The following DLGAP1 variants were observed in gnomAD, a reference collection of about 807,000 sequenced individuals.
DLGAP1 encodes DLG associated protein 1.
A neutral mutation model predicts 90.8 loss-of-function variants in DLGAP1; 11 were observed. The ratio of observed to expected loss-of-function variants is 0.12; its 90% CI spans 0.08 to 0.20. DLGAP1 has a LOEUF of 0.20. Ranked by LOEUF, DLGAP1 falls within the 10% of genes least tolerant of loss-of-function variation. The probability of loss-of-function intolerance (pLI) is 1.00; values close to 1 mark genes in which losing one functional copy is unlikely to be tolerated. For missense variants in DLGAP1, 1,050 were observed against 1,333.8 expected (o/e 0.79, Z 3.31); for synonymous variants, 558 against 540.7 (o/e 1.03, Z -0.44).
chr18:4,327,181 T>A (rs2080840367), intron 1 of DLGAP1, among the ~76,000 whole-genome samples: 1 of 152,084 alleles, frequency 6.6e-6, no homozygotes, highest in Non-Finnish European at 1.5e-5. Flanking sequence ...TAATGTATTG[T>A]GTATTTCCCA....
In DLGAP1 at chr18:4,084,673, C is replaced by A. The variant is rs749721786; in HGVS notation, c.-159+66507G>T. On this transcript the variant is annotated intron_variant, in intron 2 of 12. Coordinates refer to ENST00000315677, the MANE Select transcript of DLGAP1 (RefSeq NM_004746.4). This position sits in a 1 kb window ranked among gnomAD's most constrained non-coding sequence, Gnocchi z 4.0. Reference sequence around the variant, plus strand: ...CCCTTTGTCTAATCTTACTTCTCCACGATTATCTACTTATTTACCAAACTT... The same window carrying A: ...CCCTTTGTCTAATCTTACTTCTCCAAGATTATCTACTTATTTACCAAACTT... Among the ~76,000 whole-genome samples the A allele has an allele frequency of 1.3e-5, 2 of 152,170 alleles. No homozygotes were observed. The highest frequency in any genetic ancestry group is 4.8e-5 in the African/African-American group (2 of 41,426).
chr18:3,849,232 C>A (rs533645538), intron 4 of DLGAP1, among the ~76,000 whole-genome samples: 1 of 152,222 alleles, frequency 6.6e-6, no homozygotes, highest in East Asian at 1.9e-4. Flanking sequence ...AGGTATTGAG[C>A]CAAGTGATCA....
At chr18:3,922,854 C>T (rs998028273) in intron 3 of DLGAP1, among the ~76,000 whole-genome samples, 13 of 151,946 alleles carry the variant, frequency 8.6e-5, no homozygotes, top group South Asian at 2.1e-4. Context: ...TGCACTAGGC[C>T]GAGTGTCGTG....
At chr18:3,721,482 G>C (rs1243451632) in intron 7 of DLGAP1, 1 of 152,000 alleles carries the variant, frequency 6.6e-6, no homozygotes, top group African/African-American at 2.4e-5. Context: ...TCTTTTCATA[G>C]GCTTTTAAAA....
chr18:4,286,054 C>G (rs1050139952), intron 1 of DLGAP1, among the ~76,000 whole-genome samples: 1 of 152,144 alleles, frequency 6.6e-6, no homozygotes, highest in Non-Finnish European at 1.5e-5. Flanking sequence ...AAGTGTCACT[C>G]CGGCAAACTC....
chr18:3,933,473 T>C (rs2072563967), intron 3 of DLGAP1, among the ~76,000 whole-genome samples: 1 of 152,214 alleles, frequency 6.6e-6, no homozygotes, highest in African/African-American at 2.4e-5. Context: ...TCACAGCCAA[T>C]TTAGAAATCA....
intron 5 of DLGAP1, among the ~76,000 whole-genome samples, chr18:3,759,142 T>C (rs2063843559): frequency 6.6e-6 from 1 of 152,116 alleles, no homozygotes; most frequent in African/African-American, 2.4e-5. Context: ...GCTGTAGACT[T>C]TGGTATCTCC....
chr18:3,759,565 C>T (rs987126753), intron 5 of DLGAP1, among the ~76,000 whole-genome samples: 1 of 152,170 alleles, frequency 6.6e-6, no homozygotes, highest in African/African-American at 2.4e-5. Flanking sequence ...GTTATCAAGG[C>T]TATGCAACAT....
At chr18:4,312,643 T>C (rs184778581) in intron 1 of DLGAP1, among the ~76,000 whole-genome samples, 40 of 152,344 alleles carry the variant, frequency 2.6e-4, no homozygotes, top group African/African-American at 9.6e-4. Flanking sequence ...ACTTGAATCA[T>C]AAAATTTCTG....
At chr18:3,980,331 C>T (rs1449274261) in intron 3 of DLGAP1, among the ~76,000 whole-genome samples, 1 of 152,022 alleles carries the variant, frequency 6.6e-6, no homozygotes, top group East Asian at 1.9e-4. Context: ...CTGGGAGGAG[C>T]AGCCCAGTTC....
chr18:3,845,350 A>T, intron 4 of DLGAP1: 1 of 1,550,528 alleles, frequency 6.4e-7, no homozygotes. Flanking sequence ...TGATTTGCCG[A>T]TTCTAAGTGG....
Position 3,729,261 on chromosome 18 carries a change from T to A in DLGAP1, c.1465A>T (p.Met489Leu). The A allele has an allele frequency of 3.1e-6, 5 of 1,614,062 alleles. No homozygotes were observed. The highest frequency in any genetic ancestry group is 4.2e-6 in the Non-Finnish European group (5 of 1,179,972). Residue 489 changes from methionine (M) to leucine (L), a missense_variant, in exon 7 of 13, where the codon ATG becomes TTG. Physicochemically the swap from Met to Leu is conservative, Grantham distance 15. This residue lies in a region of DLGAP1 where 565 missense variants were observed against 879.7 expected (regional missense o/e 0.64). Transcript: ENST00000315677. The surrounding 1 kb of genome is among the most constrained non-coding windows in gnomAD (Gnocchi z 6.2). ...GCCCGCACATAGCTGTGGCTCCGCA[T>A]GCGGAAGCAGCCGGGCATGGGCAGG... ...LDLPMPGCFRMRSHSYVRAIE... is the reference protein window; with the variant it reads ...LDLPMPGCFRLRSHSYVRAIE...
At chr18:4,417,847 T>C (rs369911047) in intron 1 of DLGAP1, among the ~76,000 whole-genome samples, 6 of 152,278 alleles carry the variant, frequency 3.9e-5, no homozygotes, top group African/African-American at 1.2e-4. Flanking sequence ...GTCTGTCTAA[T>C]AGTGTGGTGA....
rs200852733 is a variant in DLGAP1 at position 4,144,811 on chromosome 18, TAAG to T, written c.-159+6366_-159+6368del. 3.7e-3 allele frequency among the ~76,000 whole-genome samples: 562 copies of T among 152,342 alleles called. 5 individuals are homozygous for T. Among genetic ancestry groups the T allele is most frequent in the African/African-American group, 0.013 (547 of 41,574 alleles). On this transcript the variant is annotated intron_variant, in intron 2 of 12. Coordinates refer to ENST00000315677, the MANE Select transcript of DLGAP1 (RefSeq NM_004746.4). ...TTAGGTGAAAATGTCTAGCATATGA[TAAG>T]AATATGCAAAAGGAAAATAAATCCA...
At chr18:4,373,287 C>A (rs981593681) in intron 1 of DLGAP1, among the ~76,000 whole-genome samples, 1 of 151,936 alleles carries the variant, frequency 6.6e-6, no homozygotes, top group African/African-American at 2.4e-5. Context: ...TGAAGACAAG[C>A]AGGAGGAATG....
chr18:3,818,567 C>T (rs978635259), intron 4 of DLGAP1, among the ~76,000 whole-genome samples: 5 of 151,484 alleles, frequency 3.3e-5, no homozygotes, highest in Admixed American at 6.6e-5. Flanking sequence ...GCCATGTTGG[C>T]CAGGCTGCTC....
Position 3,958,260 on chromosome 18 carries a change from T to C in DLGAP1, c.-73+46856A>G, listed in dbSNP as rs143156223. Among the ~76,000 whole-genome samples, 709 of 151,908 alleles carry C rather than the reference T, an allele frequency of 4.7e-3. 5 individuals are homozygous for C. The highest frequency in any genetic ancestry group is 0.016 in the African/African-American group (665 of 41,442). On this transcript the variant is annotated intron_variant, in intron 3 of 12. Transcript: ENST00000315677. ...CTATAATATGGAAGCAGGGGTTATGTATGCCTGTAATCCCAAAGTGCTGGG... is the reference window on the plus strand; with the variant it reads ...CTATAATATGGAAGCAGGGGTTATGCATGCCTGTAATCCCAAAGTGCTGGG...
intron 7 of DLGAP1, among the ~76,000 whole-genome samples, chr18:3,663,752 G>A (rs1407961588): frequency 6.6e-6 from 1 of 152,170 alleles, no homozygotes; most frequent in African/African-American, 2.4e-5. Flanking sequence ...ATGCTGTCTT[G>A]GACTCTCAAG....
Position 3,929,989 on chromosome 18 carries a change from T to C in DLGAP1, c.-72-49849A>G, listed in dbSNP as rs1160262734. On this transcript the variant is annotated intron_variant, in intron 3 of 12. Coordinates refer to ENST00000315677, the MANE Select transcript of DLGAP1 (RefSeq NM_004746.4). The stretch of plus-strand genomic sequence containing the variant: ...CACTCTGCAGATACATGGTGCTAGT[T>C]TGCAAAGCTTACAGTGTCACCAGGC... Among the ~76,000 whole-genome samples, 25 of 152,218 alleles carry C rather than the reference T, an allele frequency of 1.6e-4. 1 individual carries two copies. Among genetic ancestry groups the C allele is most frequent in the Non-Finnish European group, 1.5e-5 (1 of 68,036 alleles).
Sources: allele counts gnomAD v4.1 joint callset (sites outside exome capture counted in the v4.1 genomes callset), GRCh38; gene constraint gnomAD v4.1.1; regional missense constraint gnomAD v4.1.1; non-coding constraint Gnocchi (gnomAD v3.1); transcripts MANE v1.5; gene names NCBI Gene and HGNC (gene_info 2026-07-23, HGNC 2026-07-21).